The following SRI variants were observed in gnomAD, a reference collection of about 807,000 sequenced individuals.
SRI encodes sorcin, also known as 22 kDa protein.
SRI carries 30 observed loss-of-function variants against 33.3 expected under a neutral mutation model. The observed-to-expected ratio is 0.90, with a 90% CI of 0.67 to 1.22. The LOEUF is 1.22. SRI is among the 50% of genes most tolerant of loss of function. The pLI is 0.00. For synonymous variants in SRI, 75 were observed against 89.9 expected (o/e 0.83, Z 0.94); for missense variants, 243 against 250.8 (o/e 0.97, Z 0.21).
chr7:88,213,645 T>A (rs1851634076), intron 3 of SRI, among the ~76,000 whole-genome samples: 1 of 152,172 alleles, frequency 6.6e-6, no homozygotes, highest in Admixed American at 6.5e-5. Context: ...TGATTGTGGC[T>A]ACAGAGCCAG....
intron 3 of SRI, among the ~76,000 whole-genome samples, chr7:88,216,003 T>A (rs1012942267): frequency 6.6e-6 from 1 of 152,196 alleles, no homozygotes; most frequent in Non-Finnish European, 1.5e-5. Flanking sequence ...TTGGATTTTC[T>A]GAGACAGGCT....
chr7:88,220,247 G>A (rs376438273), upstream of SRI, among the ~76,000 whole-genome samples: 14 of 152,342 alleles, frequency 9.2e-5, no homozygotes, highest in East Asian at 7.7e-4. Context: ...TGCAGTGCAC[G>A]ACTGAAGGTC....
In SRI at chr7:88,209,330, A is replaced by G; in HGVS notation, c.511+9T>C. ...GCTTGTGGTGATGACACGACCTTAT[A>G]GAACTCACCTGTAAGAGCCCTCAGT... On this transcript the variant is annotated intron_variant, in intron 6 of 7. Transcript: ENST00000265729. 1 of 1,609,444 alleles carries G rather than the reference A, an allele frequency of 6.2e-7. No homozygotes were observed. Among genetic ancestry groups the G allele is most frequent in the Non-Finnish European group, 8.5e-7 (1 of 1,175,788 alleles).
chr7:88,210,600 G>T, intron 4 of SRI: 1 of 413,410 alleles, frequency 2.4e-6, no homozygotes, highest in Non-Finnish European at 4.4e-6. Flanking sequence ...CACTTGCAGA[G>T]GAATCAATGT....
At chr7:88,223,589 T>C (rs1227015715), upstream of SRI, among the ~76,000 whole-genome samples, 1 of 152,192 alleles carries the variant, frequency 6.6e-6, no homozygotes, top group Non-Finnish European at 1.5e-5. Flanking sequence ...AATAGATAAA[T>C]GAATGGATGT....
At chr7:88,219,540 T>TC in intron 1 of SRI, 1 of 174,502 alleles carries the variant, frequency 5.7e-6, no homozygotes, top group Middle Eastern at 2.4e-3. Context: ...CTCACTCGTT[T>TC]TTTGTTTGTT....
At chr7:88,218,133 T>C (rs1156575548) in intron 2 of SRI, among the ~76,000 whole-genome samples, 1 of 152,228 alleles carries the variant, frequency 6.6e-6, no homozygotes, top group Non-Finnish European at 1.5e-5. Flanking sequence ...CCTCTGGACG[T>C]GTCTGGGTTA....
At chr7:88,215,219 G>T (rs1851678468) in intron 3 of SRI, among the ~76,000 whole-genome samples, 1 of 152,210 alleles carries the variant, frequency 6.6e-6, no homozygotes, top group African/African-American at 2.4e-5. Flanking sequence ...CCACCAGAGA[G>T]TAGGCAAATG....
At chr7:88,216,183 G>A (rs1460285834) in intron 3 of SRI, among the ~76,000 whole-genome samples, 3 of 152,126 alleles carry the variant, frequency 2.0e-5, no homozygotes, top group East Asian at 3.9e-4. Context: ...TCACTATGTT[G>A]CCCAGGCTAG....
At chr7:88,206,849 T>G (rs1254219933) in intron 7 of SRI, among the ~76,000 whole-genome samples, 1 of 152,166 alleles carries the variant, frequency 6.6e-6, no homozygotes, top group Non-Finnish European at 1.5e-5. Flanking sequence ...CACAAACAAC[T>G]GGAGTTTATA....
At position 88,217,016 on chromosome 7, in the gene SRI, G is replaced by A. The variant is rs1851737786; in HGVS notation, c.205+106C>T. The A allele has an allele frequency of 5.9e-6, 6 of 1,023,290 alleles. No homozygotes were observed. In the East Asian group the frequency reaches 9.6e-5, roughly 16 times the overall value. 63.4% of individuals were successfully genotyped at this position (1,023,290 alleles called of 1,614,324 possible). A position where few individuals can be genotyped will look rare whatever the true frequency, so the allele number is the denominator to read the frequency against. On this transcript the variant is annotated intron_variant, in intron 3 of 7. Coordinates refer to ENST00000265729, the MANE Select transcript of SRI (RefSeq NM_003130.4). ...TTTAGCTTTCGGAATTCTAAACTTT[G>A]CTAGATCCGACAAGCTCAGTTTTCT... is the stretch of plus-strand genomic sequence containing the variant.
chr7:88,220,346 C>G (rs958273680), upstream of SRI, among the ~76,000 whole-genome samples: 2 of 130,342 alleles, frequency 1.5e-5, no homozygotes, highest in Non-Finnish European at 3.2e-5. Flanking sequence ...CAATACACCA[C>G]CCCAGGAATT....
At chr7:88,209,879 G>C (rs976996849) in intron 5 of SRI, 104 bp downstream of exon 5, 1 of 1,488,172 alleles carries the variant, frequency 6.7e-7, no homozygotes, top group African/African-American at 1.4e-5. Flanking sequence ...GCCTCCCAAA[G>C]TGCTGGGATT....
chr7:88,217,047 G>A, intron 3 of SRI, 75 bp downstream of exon 3: 1 of 1,335,822 alleles, frequency 7.5e-7, no homozygotes, highest in Non-Finnish European at 1.1e-6. Flanking sequence ...TTTCTTGAAG[G>A]CTGTAATCAC....
At chr7:88,220,865 A>G (rs1354651650), upstream of SRI, among the ~76,000 whole-genome samples, 3 of 152,242 alleles carry the variant, frequency 2.0e-5, no homozygotes, top group Non-Finnish European at 4.4e-5. Flanking sequence ...TGTACTGGTA[A>G]GTATTCAGGA....
rs2115740587 is a variant in SRI at position 88,208,533 on chromosome 7, C to A, written c.544G>T (p.Gly182Cys). 6.2e-7 allele frequency: 1 copy of A among 1,613,930 alleles called. No homozygotes were observed. The highest frequency in any genetic ancestry group is 8.5e-7 in the Non-Finnish European group (1 of 1,179,942). ...TCATCATATGGGAAATTCACAACAC[C>A]TTGCTGAGCAGTATCCCGTCTTCGA... ...SFRRRDTAQQ[G>C]VVNFPYDDFI... The change falls in exon 7 of 8, where the codon GGT (glycine) becomes TGT (cysteine). Residue 182 changes from glycine (G) to cysteine (C), a missense_variant. By Grantham distance (159) the Gly-to-Cys change is radical (BLOSUM62 -3). Coordinates refer to ENST00000265729, the MANE Select transcript of SRI (RefSeq NM_003130.4).
chr7:88,223,477 A>C (rs1191072147), upstream of SRI, among the ~76,000 whole-genome samples: 1 of 152,144 alleles, frequency 6.6e-6, no homozygotes, highest in Non-Finnish European at 1.5e-5. Flanking sequence ...CAGTCTCTGT[A>C]TGAGAGAGTC....
At chr7:88,213,319 T>C (rs2115768771) in intron 3 of SRI, among the ~76,000 whole-genome samples, 1 of 152,312 alleles carries the variant, frequency 6.6e-6, no homozygotes, top group Middle Eastern at 3.4e-3. Flanking sequence ...CCTTAACTGG[T>C]ACATAAGGTA....
At chr7:88,225,572 T>G (rs1851977241) in intron 1 of SRI, among the ~76,000 whole-genome samples, 1 of 152,144 alleles carries the variant, frequency 6.6e-6, no homozygotes, top group African/African-American at 2.4e-5. Context: ...TATTTCTACT[T>G]TACAAGATGA....
Sources: allele counts gnomAD v4.1 joint callset (sites outside exome capture counted in the v4.1 genomes callset), GRCh38; gene constraint gnomAD v4.1.1; transcripts MANE v1.5; gene names NCBI Gene and HGNC (gene_info 2026-07-23, HGNC 2026-07-21).